Variants in GPC5 observed in about 807,000 individuals in gnomAD.
GPC5 encodes glypican-5.
A neutral mutation model predicts 53.9 loss-of-function variants in GPC5; 47 were observed. The observed-to-expected ratio is 0.87, with a 90% CI of 0.69 to 1.11. The LOEUF (loss-of-function observed/expected upper bound fraction) is 1.11. GPC5 is among the 50% of genes most tolerant of loss of function. The pLI is 0.00. For missense variants in GPC5, 748 were observed against 713.1 expected, an observed-to-expected ratio of 1.05 and a Z score of -0.56; for synonymous variants, 286 against 263.3, an observed-to-expected ratio of 1.09 and a Z score of -0.84.
intron 5 of GPC5, among the ~76,000 whole-genome samples, chr13:91,844,240 T>C (rs1424859975): frequency 6.6e-6 from 1 of 152,178 alleles, no homozygotes; most frequent in Non-Finnish European, 1.5e-5. Flanking sequence ...ATTTGGAAAT[T>C]ACATAAAGTC....
At chr13:92,792,142 G>T (rs1317628565) in intron 7 of GPC5, among the ~76,000 whole-genome samples, 2 of 152,076 alleles carry the variant, frequency 1.3e-5, no homozygotes, top group Non-Finnish European at 2.9e-5. Context: ...AGGAAAAAAT[G>T]TTAAGGGCAG....
chr13:92,131,553 T>A (rs1483217380), intron 6 of GPC5, among the ~76,000 whole-genome samples: 1 of 152,024 alleles, frequency 6.6e-6, no homozygotes, highest in Non-Finnish European at 1.5e-5. Context: ...AAACCTAATG[T>A]TGAATAAAAT....
At chr13:92,860,666 T>G (rs1488595048) in intron 7 of GPC5, among the ~76,000 whole-genome samples, 1 of 152,088 alleles carries the variant, frequency 6.6e-6, no homozygotes, top group African/African-American at 2.4e-5. Context: ...AAGTTAACAG[T>G]TTAAATTTAA....
At chr13:91,968,226 A>T (rs770295956) in intron 6 of GPC5, among the ~76,000 whole-genome samples, 1 of 151,906 alleles carries the variant, frequency 6.6e-6, no homozygotes, top group Non-Finnish European at 1.5e-5. Context: ...TATATTCCTC[A>T]TGTATTTTTT....
At chr13:91,743,702 G>A (rs1028682322) in intron 4 of GPC5, among the ~76,000 whole-genome samples, 1 of 152,018 alleles carries the variant, frequency 6.6e-6, no homozygotes, top group African/African-American at 2.4e-5. Flanking sequence ...GGTTACACAT[G>A]TGATAGAGAG....
chr13:91,695,798 C>T (rs1330639137), intron 3 of GPC5, among the ~76,000 whole-genome samples: 2 of 152,130 alleles, frequency 1.3e-5, no homozygotes, highest in African/African-American at 4.8e-5. Flanking sequence ...TGGCCAGGAC[C>T]TTCTGATATA....
chr13:92,374,976 C>T (rs1428978908), intron 7 of GPC5, among the ~76,000 whole-genome samples: 1 of 151,474 alleles, frequency 6.6e-6, no homozygotes, highest in Non-Finnish European at 1.5e-5. Context: ...AGTTGCCTTC[C>T]CTTAGAATAT....
intron 2 of GPC5, among the ~76,000 whole-genome samples, chr13:91,493,730 C>T (rs1376399772): frequency 6.6e-6 from 1 of 152,154 alleles, no homozygotes; most frequent in African/African-American, 2.4e-5. Flanking sequence ...ATTCTCTTTC[C>T]TCAAAGTTCT....
chr13:92,779,963 C>T (rs1594501844), intron 7 of GPC5, among the ~76,000 whole-genome samples: 1 of 151,970 alleles, frequency 6.6e-6, no homozygotes, highest in Non-Finnish European at 1.5e-5. Context: ...AAAATCAGGA[C>T]GTTTTCAGTT....
At chr13:91,476,204 C>A (rs1882919659) in intron 2 of GPC5, among the ~76,000 whole-genome samples, 1 of 152,188 alleles carries the variant, frequency 6.6e-6, no homozygotes, top group African/African-American at 2.4e-5. Flanking sequence ...CTTCCCCGTT[C>A]CCAGCCATGA....
At chr13:92,091,399 A>G (rs1368550008) in intron 6 of GPC5, among the ~76,000 whole-genome samples, 1 of 152,112 alleles carries the variant, frequency 6.6e-6, no homozygotes, top group African/African-American at 2.4e-5. Flanking sequence ...ATATACACAC[A>G]TGCATATATT....
intron 7 of GPC5, among the ~76,000 whole-genome samples, chr13:92,298,852 T>C (rs760067642): frequency 6.6e-6 from 1 of 152,214 alleles, no homozygotes; most frequent in Non-Finnish European, 1.5e-5. Context: ...TCGTCCGCCA[T>C]GATCTGCGGA....
intron 7 of GPC5, among the ~76,000 whole-genome samples, chr13:92,259,979 C>T (rs1011784710): frequency 2.3e-4 from 35 of 152,144 alleles, no homozygotes; most frequent in African/African-American, 8.2e-4. Flanking sequence ...ACCCAACAAA[C>T]TCTGGGAAAA....
At chr13:92,156,005 A>G (rs1465896744) in intron 7 of GPC5, among the ~76,000 whole-genome samples, 1 of 152,156 alleles carries the variant, frequency 6.6e-6, no homozygotes, top group Non-Finnish European at 1.5e-5. Flanking sequence ...TTATGTTAAT[A>G]TAAATTCCCT....
intron 7 of GPC5, among the ~76,000 whole-genome samples, chr13:92,285,208 G>A (rs915296501): frequency 1.3e-5 from 2 of 152,076 alleles, no homozygotes; most frequent in Non-Finnish European, 2.9e-5. Context: ...TATTCAAGGA[G>A]GACTACAAAC....
rs564420188 is a variant in GPC5 at position 91,792,951 on chromosome 13, G to A, written c.1280+36531G>A. Among the ~76,000 whole-genome samples, 7 of 152,258 alleles carry A rather than the reference G, an allele frequency of 4.6e-5. No individual in the cohort carries two copies. In the South Asian group the frequency reaches 1.4e-3, roughly 32 times the overall value. On this transcript the variant is annotated intron_variant, in intron 5 of 7. Coordinates refer to ENST00000377067, the MANE Select transcript of GPC5 (RefSeq NM_004466.6). ...CTGAACAGTAGTGGGATCTAGAAGA[G>A]CTTTGAGGGAAAGTCCATCTTTTCG...
At chr13:91,445,929 A>G (rs1455135168) in intron 1 of GPC5, among the ~76,000 whole-genome samples, 1 of 152,104 alleles carries the variant, frequency 6.6e-6, no homozygotes, top group Non-Finnish European at 1.5e-5. Flanking sequence ...ACTCCTGCTC[A>G]CTATTTTGGG....
chr13:91,707,857 A>G (rs893709850), intron 3 of GPC5, among the ~76,000 whole-genome samples: 1 of 152,196 alleles, frequency 6.6e-6, no homozygotes, highest in Non-Finnish European at 1.5e-5. Context: ...AAATACATAG[A>G]TGATCATCAC....
chr13:92,096,370 T>C (rs993786069), intron 6 of GPC5, among the ~76,000 whole-genome samples: 2 of 152,232 alleles, frequency 1.3e-5, no homozygotes, highest in African/African-American at 4.8e-5. Flanking sequence ...GATGTAACTC[T>C]TATTCAACAT....
Sources: allele counts gnomAD v4.1 joint callset (sites outside exome capture counted in the v4.1 genomes callset), GRCh38; gene constraint gnomAD v4.1.1; transcripts MANE v1.5; gene names NCBI Gene and HGNC (gene_info 2026-07-23, HGNC 2026-07-21).